PTBP2: variants seen among roughly 807,000 people sequenced by gnomAD.
PTBP2 encodes polypyrimidine tract binding protein 2.
In PTBP2, 13 loss-of-function variants were observed where a neutral mutation model predicts 61.4. The ratio of observed to expected loss-of-function variants is 0.21; its 90% CI spans 0.14 to 0.34. The LOEUF (loss-of-function observed/expected upper bound fraction) is 0.34. Among genes scored for constraint, PTBP2 ranks in the 10% least tolerant of loss-of-function variants. PTBP2 has a pLI of 1.00. For missense variants in PTBP2, 405 were observed against 642.6 expected, an observed-to-expected ratio of 0.63 and a Z score of 4.00; for synonymous variants, 215 against 218.5, an observed-to-expected ratio of 0.98 and a Z score of 0.14.
At position 96,721,889 on chromosome 1, in the gene PTBP2, G is replaced by GT. The variant is rs752796391; in HGVS notation, c.8+17_8+18insT. The GT allele has an allele frequency of 6.4e-7, 1 of 1,573,936 alleles. No individual in the cohort carries two copies. Among genetic ancestry groups the GT allele is most frequent in the Non-Finnish European group, 8.6e-7 (1 of 1,159,440 alleles). ...AATGGACGGGTATGTAATCGGGCCG[G>GT]CGAGAAGGTGTGTGTGAGAGAGGAG... On this transcript the variant is annotated intron_variant, in intron 1 of 13. Transcript: ENST00000674951.
intron 8 of PTBP2, among the ~76,000 whole-genome samples, chr1:96,800,048 G>C (rs1282061246): frequency 6.6e-6 from 1 of 152,162 alleles, no homozygotes; most frequent in African/African-American, 2.4e-5. Flanking sequence ...TAATGAAAGA[G>C]AAATACATAC....
intron 5 of PTBP2, among the ~76,000 whole-genome samples, chr1:96,772,697 A>G (rs529644741): frequency 6.6e-6 from 1 of 152,302 alleles, no homozygotes; most frequent in African/African-American, 2.4e-5. Flanking sequence ...TGACTTATTC[A>G]CTTAGCACAC....
At position 96,813,349 on chromosome 1, in the gene PTBP2, T is replaced by C. The variant is rs1482796244; in HGVS notation, c.1540T>C (p.Tyr514His). 6.2e-7 allele frequency: 1 copy of C among 1,605,488 alleles called. No homozygotes were observed. Among genetic ancestry groups the C allele is most frequent in the East Asian group, 2.2e-5 (1 of 44,734 alleles). Residue 514 changes from tyrosine to histidine, a missense_variant, in exon 14 of 14, where the codon TAT (tyrosine) becomes CAT (histidine). By Grantham distance (83) the Tyr-to-His change is moderately conservative. Around this residue, in one of 4 missense-constraint regions of PTBP2, gnomAD observed 21 missense variants for 54.1 expected, o/e 0.39. Transcript: ENST00000674951. ...TCAGGCCTTGATTGATCTTCATAAT[T>C]ATAACCTTGGAGAAAACCATCATCT... ...AIQALIDLHN[Y>H]NLGENHHLRV...
At chr1:96,761,738 G>GT (rs970586401) in intron 3 of PTBP2, among the ~76,000 whole-genome samples, 11 of 150,534 alleles carry the variant, frequency 7.3e-5, no homozygotes, top group African/African-American at 2.5e-4. Context: ...TTTTTTGTTT[G>GT]TTTTTTGTTT....
chr1:96,769,609 C>A, intron 3 of PTBP2, 94 bp from the exon 4 acceptor site: 2 of 935,266 alleles, frequency 2.1e-6, no homozygotes, highest in Non-Finnish European at 3.0e-6. Context: ...TTTTTAAGTT[C>A]TTTTTGGAAA....
chr1:96,758,455 T>C (rs986569816), intron 3 of PTBP2, among the ~76,000 whole-genome samples: 1 of 152,092 alleles, frequency 6.6e-6, no homozygotes, highest in Non-Finnish European at 1.5e-5. Flanking sequence ...TATCAAGATT[T>C]CAGACTAGTA....
intron 2 of PTBP2, among the ~76,000 whole-genome samples, chr1:96,744,382 G>C (rs1430399701): frequency 6.6e-6 from 1 of 152,012 alleles, no homozygotes; most frequent in African/African-American, 2.4e-5. Context: ...TGTCAATGGG[G>C]TTATCTGGGG....
chr1:96,739,618 G>GGTTTT (rs1232683663), intron 2 of PTBP2, among the ~76,000 whole-genome samples: 10 of 83,802 alleles, frequency 1.2e-4, no homozygotes, highest in East Asian at 3.4e-4. Flanking sequence ...ACTGGTGTGT[G>GGTTTT]TTTTTTTTTT....
chr1:96,776,831 A>T (rs1287160594), intron 5 of PTBP2, among the ~76,000 whole-genome samples: 3 of 151,612 alleles, frequency 2.0e-5, no homozygotes, highest in Admixed American at 2.0e-4. Context: ...ATTCAATTTT[A>T]TGGGTATATT....
intron 2 of PTBP2, among the ~76,000 whole-genome samples, chr1:96,749,028 G>T (rs2100899307): frequency 6.6e-6 from 1 of 152,162 alleles, no homozygotes; most frequent in Non-Finnish European, 1.5e-5. Context: ...TCTCAGTAAT[G>T]AAGGCTGTTA....
chr1:96,736,144 T>A (rs1316868889), intron 2 of PTBP2, among the ~76,000 whole-genome samples: 1 of 152,148 alleles, frequency 6.6e-6, no homozygotes, highest in Non-Finnish European at 1.5e-5. Context: ...TAAAGACACT[T>A]TTTGAAACAC....
exon 14 of PTBP2, chr1:96,823,642 T>C (rs1055027514): frequency 6.6e-6 from 1 of 152,198 alleles, no homozygotes; most frequent in Non-Finnish European, 1.5e-5. Flanking sequence ...AGATTAATGA[T>C]TGAAAATTCA....
chr1:96,738,802 G>T (rs1652583424), intron 2 of PTBP2, among the ~76,000 whole-genome samples: 1 of 152,144 alleles, frequency 6.6e-6, no homozygotes, highest in Non-Finnish European at 1.5e-5. Flanking sequence ...CACTTCTAAT[G>T]TAGGAGTAGT....
chr1:96,815,184 T>C (rs1662426121), downstream of PTBP2: 1 of 104,346 alleles, frequency 9.6e-6, no homozygotes, highest in Non-Finnish European at 1.9e-5. Context: ...TCTATCTCTT[T>C]TGTTCTTGTT....
chr1:96,752,557 G>A (rs1409462139), intron 3 of PTBP2, among the ~76,000 whole-genome samples: 1 of 152,048 alleles, frequency 6.6e-6, no homozygotes, highest in African/African-American at 2.4e-5. Context: ...GCTATGTAAT[G>A]ATTACAAAGC....
intron 2 of PTBP2, among the ~76,000 whole-genome samples, chr1:96,734,276 GATATTC>G (rs1651843926): frequency 6.6e-6 from 1 of 152,094 alleles, no homozygotes; most frequent in Non-Finnish European, 1.5e-5. Flanking sequence ...ATAAATTTCA[GATATTC>G]ATATTGTTTT....
intron 5 of PTBP2, among the ~76,000 whole-genome samples, chr1:96,773,528 T>G (rs1657629566): frequency 6.6e-6 from 1 of 152,178 alleles, no homozygotes; most frequent in Non-Finnish European, 1.5e-5. Flanking sequence ...CCCTTTGTTG[T>G]CTTTTCGTGT....
At chr1:96,809,354 A>T (rs956511219) in intron 11 of PTBP2, among the ~76,000 whole-genome samples, 1 of 152,238 alleles carries the variant, frequency 6.6e-6, no homozygotes, top group Non-Finnish European at 1.5e-5. Flanking sequence ...TCAGTCACAT[A>T]CTAAACCATA....
rs12089957 is a variant in PTBP2, at chr1:96,799,498, G to A, written c.905-5302G>A. 1.2e-3 allele frequency among the ~76,000 whole-genome samples: 183 copies of A among 151,772 alleles called. 1 individual carries two copies. Among genetic ancestry groups the A allele is most frequent in the African/African-American group, 4.3e-3 (180 of 41,388 alleles). On this transcript the variant is annotated intron_variant, in intron 8 of 13. Coordinates refer to ENST00000674951, the MANE Select transcript of PTBP2 (RefSeq NM_021190.4). Reference sequence around the variant, plus strand: ...TGTTTAGTAGAGATGGGGTTTCATCGTGTTAGCCAGGATGGTCTCGATCTC... The same window carrying A: ...TGTTTAGTAGAGATGGGGTTTCATCATGTTAGCCAGGATGGTCTCGATCTC...
Sources: allele counts gnomAD v4.1 joint callset (sites outside exome capture counted in the v4.1 genomes callset), GRCh38; gene constraint gnomAD v4.1.1; regional missense constraint gnomAD v4.1.1; transcripts MANE v1.5; gene names NCBI Gene and HGNC (gene_info 2026-07-23, HGNC 2026-07-21).